Variants in JPH2 observed in about 807,000 individuals in gnomAD.
The protein encoded by JPH2 is junctophilin 2, also known as junctophilin-2.
In JPH2, 38 loss-of-function variants were observed where a neutral mutation model predicts 55.9. The ratio of observed to expected loss-of-function variants is 0.68; its 90% CI spans 0.52 to 0.89. The LOEUF (loss-of-function observed/expected upper bound fraction) is 0.89, where lower values mean the gene tolerates loss of function less well. Ranked by LOEUF, JPH2 falls within the 40% of genes least tolerant of loss-of-function variation. JPH2 has a pLI of 0.00. For synonymous variants in JPH2, 480 were observed against 472.4 expected (o/e 1.02, Z -0.21); for missense variants, 964 against 1,037.6 (o/e 0.93, Z 0.97).
At chr20:44,152,519 A>G (rs1169733130) in intron 2 of JPH2, among the ~76,000 whole-genome samples, 1 of 152,220 alleles carries the variant, frequency 6.6e-6, no homozygotes, top group Non-Finnish European at 1.5e-5. Context: ...TCCACAAAAA[A>G]GGGGGAAAAA....
At chr20:44,166,404 A>C (rs1160335247) in intron 1 of JPH2, among the ~76,000 whole-genome samples, 3 of 152,248 alleles carry the variant, frequency 2.0e-5, no homozygotes, top group African/African-American at 7.2e-5. Flanking sequence ...AGAAGATGGT[A>C]AACTGGGAGA....
At chr20:44,170,951 C>T (rs1186681629) in intron 1 of JPH2, among the ~76,000 whole-genome samples, 2 of 152,210 alleles carry the variant, frequency 1.3e-5, no homozygotes, top group East Asian at 3.8e-4. Flanking sequence ...CTGTCTAGTC[C>T]AAGCCACATC....
At position 44,107,523 on chromosome 20, in the gene JPH2, T is replaced by C. The variant is rs1423940182; in HGVS notation, c.*5995A>G. ...GAAGCAAATTCCATCCTCCATACTCTCTTTCCTTTTCCTTTGGCAGATGCA... is the reference window on the plus strand; with the variant it reads ...GAAGCAAATTCCATCCTCCATACTCCCTTTCCTTTTCCTTTGGCAGATGCA... On this transcript the variant is annotated 3_prime_UTR_variant, in exon 6 of 6. Transcript: ENST00000372980. Among the ~76,000 whole-genome samples the C allele has an allele frequency of 6.6e-6, 1 of 152,154 alleles. No individual in the cohort carries two copies. Among genetic ancestry groups the C allele is most frequent in the African/African-American group, 2.4e-5 (1 of 41,428 alleles).
intron 1 of JPH2, among the ~76,000 whole-genome samples, chr20:44,167,170 A>G (rs1337796501): frequency 2.0e-5 from 3 of 152,204 alleles, no homozygotes; most frequent in African/African-American, 7.2e-5. Context: ...GCCACATGTT[A>G]TCATGTCATC....
At chr20:44,171,254 C>A (rs1379130319) in intron 1 of JPH2, among the ~76,000 whole-genome samples, 1 of 152,192 alleles carries the variant, frequency 6.6e-6, no homozygotes, top group Admixed American at 6.5e-5. Flanking sequence ...ACATCTGCAA[C>A]AGAATATTCA....
intron 1 of JPH2, among the ~76,000 whole-genome samples, chr20:44,170,901 G>A (rs963249853): frequency 2.6e-5 from 4 of 152,162 alleles, no homozygotes; most frequent in East Asian, 3.8e-4. Flanking sequence ...TCATGATGAC[G>A]CACTGCGATA....
intron 2 of JPH2, among the ~76,000 whole-genome samples, chr20:44,133,739 G>C (rs181449511): frequency 2.5e-4 from 37 of 150,230 alleles, no homozygotes; most frequent in African/African-American, 9.1e-4. Flanking sequence ...AGTTTCCCAG[G>C]CTGGTCCTGT....
chr20:44,159,659 G>T lies in JPH2; in HGVS notation c.1128C>A (p.Ala376=). 6.2e-7 allele frequency: 1 copy of T among 1,609,752 alleles called. No homozygotes were observed. Residue 376 remains alanine (A), a synonymous_variant, in exon 2 of 6, where the codon GCC becomes GCA. Coordinates refer to ENST00000372980, the MANE Select transcript of JPH2 (RefSeq NM_020433.5). This position sits in a 1 kb window ranked among gnomAD's most constrained non-coding sequence, Gnocchi z 5.7. ...VEHSVEGAQR[A]AAIARQKAEI... ...CGGCCTTCTGGCGCGCGATAGCAGC[G>T]GCGCGCTGGGCACCCTCCACACTGT...
At chr20:44,173,045 A>G (rs2072709594) in intron 1 of JPH2, among the ~76,000 whole-genome samples, 1 of 152,232 alleles carries the variant, frequency 6.6e-6, no homozygotes, top group Admixed American at 6.5e-5. Flanking sequence ...AACTGTCTTC[A>G]CTCATGCCTG....
intron 2 of JPH2, among the ~76,000 whole-genome samples, chr20:44,133,675 T>G (rs753966266): frequency 2.4e-4 from 36 of 151,254 alleles, no homozygotes; most frequent in Non-Finnish European, 4.9e-4. Flanking sequence ...GAGATTCAAG[T>G]CTAATCTCCT....
At chr20:44,147,467 C>T (rs2072501127) in intron 2 of JPH2, among the ~76,000 whole-genome samples, 1 of 152,142 alleles carries the variant, frequency 6.6e-6, no homozygotes, top group African/African-American at 2.4e-5. Flanking sequence ...GATCTCAAAA[C>T]ATATTACATC....
chr20:44,152,198 C>T (rs1025008207), intron 2 of JPH2, among the ~76,000 whole-genome samples: 2 of 152,222 alleles, frequency 1.3e-5, no homozygotes, highest in Non-Finnish European at 2.9e-5. Flanking sequence ...GAAAACCAAC[C>T]GAAGGTCAGA....
intron 1 of JPH2, among the ~76,000 whole-genome samples, chr20:44,174,940 G>A (rs377654952): frequency 1.2e-4 from 18 of 152,142 alleles, no homozygotes; most frequent in East Asian, 9.7e-4. Context: ...TGGAGGTTGC[G>A]GTGGGCCAAG....
In JPH2 at chr20:44,110,739, C is replaced by T. The variant is rs943193205; in HGVS notation, c.*2779G>A. ...TGAGCCACCATGCCCAGCTTAAAACCTCTTTATCACCATAATCTATCTCAT... is the reference window on the plus strand; with the variant it reads ...TGAGCCACCATGCCCAGCTTAAAACTTCTTTATCACCATAATCTATCTCAT... On this transcript the variant is annotated 3_prime_UTR_variant, in exon 6 of 6. Transcript: ENST00000372980. Among the ~76,000 whole-genome samples, 2 of 152,156 alleles carry T rather than the reference C, an allele frequency of 1.3e-5. No individual in the cohort carries two copies.
chr20:44,162,745 C>CATATATAT (rs1157323951), intron 1 of JPH2, among the ~76,000 whole-genome samples: 2 of 52,470 alleles, frequency 3.8e-5, no homozygotes, highest in Non-Finnish European at 6.4e-5. Context: ...AATAAACTTC[C>CATATATAT]ATATATATAT....
Position 44,114,860 on chromosome 20 carries a change from A to G in JPH2, c.2027T>C (p.Leu676Pro). ...GTTCAGCAGGATCACCATGCAGATGAGGATGGTGTTGGGGACCTGGGAGCA... is the reference window on the plus strand; with the variant it reads ...GTTCAGCAGGATCACCATGCAGATGGGGATGGTGTTGGGGACCTGGGAGCA... Reference protein sequence around the residue: ...VEVEEVPNTILICMVILLNIG... With the variant: ...VEVEEVPNTIPICMVILLNIG... The change falls in exon 5 of 6, where the codon CTC becomes CCC. Residue 676 changes from leucine (L) to proline (P), a missense_variant. Physicochemically the swap from Leu to Pro is moderately conservative, Grantham distance 98. Transcript: ENST00000372980. 1.2e-6 allele frequency: 2 copies of G among 1,605,010 alleles called. No individual in the cohort carries two copies. The highest frequency in any genetic ancestry group is 1.7e-6 in the Non-Finnish European group (2 of 1,176,484).
At chr20:44,154,902 A>G (rs1380042647) in intron 2 of JPH2, among the ~76,000 whole-genome samples, 2 of 152,038 alleles carry the variant, frequency 1.3e-5, no homozygotes, top group African/African-American at 4.8e-5. Context: ...CCCCAGACAC[A>G]CAAGGAATCC....
chr20:44,160,124 G>T lies in JPH2; in HGVS notation c.663C>A (p.Phe221Leu). Residue 221 changes from phenylalanine to leucine, a missense_variant, in exon 2 of 6, where the codon TTC becomes TTA. By Grantham distance (22) the Phe-to-Leu change is conservative. Coordinates refer to ENST00000372980, the MANE Select transcript of JPH2 (RefSeq NM_020433.5). This position sits in a 1 kb window ranked among gnomAD's most constrained non-coding sequence, Gnocchi z 4.9. ...GCTTGCCCAGCAGCGCGCCCCGCTG[G>T]AAGAGGCCGCCGCCCTTGGGCGCCC... ...AARAPKGGGL[F>L]QRGALLGKLR... The T allele has an allele frequency of 6.7e-7, 1 of 1,503,742 alleles. No homozygotes were observed. Among genetic ancestry groups the T allele is most frequent in the Non-Finnish European group, 8.8e-7 (1 of 1,133,014 alleles). 93.1% of individuals were successfully genotyped at this position (1,503,742 alleles called of 1,614,324 possible).
chr20:44,153,601 A>T (rs2072545898), intron 2 of JPH2, among the ~76,000 whole-genome samples: 1 of 152,184 alleles, frequency 6.6e-6, no homozygotes, highest in Non-Finnish European at 1.5e-5. Context: ...AAAACCTGAG[A>T]TGCTCCAAAC....
Sources: gnomAD v4.1 joint callset for allele counts (sites outside exome capture counted in the v4.1 genomes callset) on GRCh38, gnomAD v4.1.1 for gene constraint, Gnocchi (gnomAD v3.1) non-coding constraint, MANE v1.5 for transcripts, NCBI Gene and HGNC (gene_info 2026-07-23, HGNC 2026-07-21) for gene names.